Variants in CREB5 observed in about 807,000 individuals in gnomAD.
CREB5 encodes the protein cAMP responsive element binding protein 5, also known as cyclic AMP-responsive element-binding protein 5.
In CREB5, 19 loss-of-function variants were observed where a neutral mutation model predicts 57.1. That is an observed-to-expected ratio of 0.33 (90% CI 0.23 to 0.49). The LOEUF (loss-of-function observed/expected upper bound fraction) is 0.49. Ranked by LOEUF, CREB5 falls within the 20% of genes least tolerant of loss-of-function variation. CREB5 has a pLI of 0.99. For missense variants in CREB5, 579 were observed against 671.6 expected (o/e 0.86, Z 1.52); for synonymous variants, 238 against 238.3 (o/e 1.00, Z 0.01).
At chr7:28,629,475 T>C (rs1301680280) in intron 5 of CREB5, among the ~76,000 whole-genome samples, 1 of 152,212 alleles carries the variant, frequency 6.6e-6, no homozygotes, top group Non-Finnish European at 1.5e-5. Flanking sequence ...AACAGACAAC[T>C]CTGTATTCAC....
At chr7:28,670,979 A>C (rs6974893) in intron 5 of CREB5, among the ~76,000 whole-genome samples, 21,540 of 152,122 alleles carry the variant, frequency 0.14, 2,550 homozygotes, top group African/African-American at 0.33. Flanking sequence ...TGTTGCAGAA[A>C]ATATAACTGT....
At chr7:28,738,577 G>A (rs1239821945) in intron 7 of CREB5, among the ~76,000 whole-genome samples, 7 of 152,192 alleles carry the variant, frequency 4.6e-5, no homozygotes, top group Non-Finnish European at 7.3e-5. Flanking sequence ...ATCTCACTCC[G>A]TCATTGCAGT....
intron 4 of CREB5, among the ~76,000 whole-genome samples, chr7:28,545,955 T>G (rs1388363494): frequency 6.6e-6 from 1 of 152,260 alleles, no homozygotes; most frequent in Non-Finnish European, 1.5e-5. Context: ...GTCATCTGAA[T>G]GTACCCATTT....
chr7:28,608,881 T>C (rs1797280351), intron 5 of CREB5, among the ~76,000 whole-genome samples: 1 of 152,226 alleles, frequency 6.6e-6, no homozygotes, highest in Non-Finnish European at 1.5e-5. Flanking sequence ...TGACATTTCT[T>C]CTTAAATTAT....
chr7:28,491,189 A>C, intron 2 of CREB5: 1 of 985,276 alleles, frequency 1.0e-6, no homozygotes, highest in Non-Finnish European at 1.2e-6. Flanking sequence ...CCTGAGAAGG[A>C]AACAGTTTTT....
intron 5 of CREB5, among the ~76,000 whole-genome samples, chr7:28,658,572 C>T (rs1197046915): frequency 3.3e-5 from 5 of 152,166 alleles, no homozygotes; most frequent in South Asian, 2.1e-4. Context: ...GAACAAAGCA[C>T]GTCTGCACTC....
chr7:28,682,989 T>C (rs1303847315), intron 5 of CREB5, among the ~76,000 whole-genome samples: 1 of 152,170 alleles, frequency 6.6e-6, no homozygotes, highest in African/African-American at 2.4e-5. Flanking sequence ...AGCTGCGCGG[T>C]ACCCACCACC....
chr7:28,616,787 T>TA (rs1462162745), intron 5 of CREB5, among the ~76,000 whole-genome samples: 2 of 152,210 alleles, frequency 1.3e-5, no homozygotes, highest in Non-Finnish European at 2.9e-5. Flanking sequence ...ATTTATGATT[T>TA]AAAAAAACAA....
intron 1 of CREB5, among the ~76,000 whole-genome samples, chr7:28,455,114 C>T (rs1354251833): frequency 6.6e-6 from 1 of 152,212 alleles, no homozygotes; most frequent in East Asian, 1.9e-4. Flanking sequence ...GGCAAAGCCA[C>T]ATGTGAAACC....
chr7:28,811,770 G>T (rs1809134648), intron 9 of CREB5, among the ~76,000 whole-genome samples: 1 of 152,112 alleles, frequency 6.6e-6, no homozygotes, highest in African/African-American at 2.4e-5. Context: ...TAGTAAGAAG[G>T]CTAAATCATT....
intron 5 of CREB5, among the ~76,000 whole-genome samples, chr7:28,623,018 G>T (rs927943655): frequency 6.6e-6 from 1 of 152,090 alleles, no homozygotes; most frequent in Non-Finnish European, 1.5e-5. Flanking sequence ...GAGTAGCTGG[G>T]ATTACAGGCA....
intron 1 of CREB5, among the ~76,000 whole-genome samples, chr7:28,310,993 T>C (rs905269518): frequency 3.3e-5 from 5 of 152,034 alleles, no homozygotes; most frequent in African/African-American, 1.2e-4. Context: ...TTAATCTCTT[T>C]TAAAGAATAA....
chr7:28,800,977 A>G (rs1334506349), intron 7 of CREB5, among the ~76,000 whole-genome samples: 1 of 152,222 alleles, frequency 6.6e-6, no homozygotes, highest in Non-Finnish European at 1.5e-5. Context: ...CTTTAGCCTT[A>G]CACGGTTGTT....
chr7:28,530,934 G>A (rs1048204036), intron 4 of CREB5, among the ~76,000 whole-genome samples: 2 of 152,188 alleles, frequency 1.3e-5, no homozygotes, highest in African/African-American at 2.4e-5. Flanking sequence ...CCTTGTGGTC[G>A]TGGAATGTAA....
chr7:28,352,898 A>T (rs1480797967), intron 1 of CREB5, among the ~76,000 whole-genome samples: 1 of 152,236 alleles, frequency 6.6e-6, no homozygotes, highest in Non-Finnish European at 1.5e-5. Flanking sequence ...GGTTTGAACC[A>T]AGGCATTCAG....
Position 28,316,636 on chromosome 7 carries a change from A to G in CREB5, c.-25+17195A>G, listed in dbSNP as rs116281393. Among the ~76,000 whole-genome samples the G allele has an allele frequency of 5.9e-3, 891 of 152,178 alleles. 14 individuals are homozygous for G. The highest frequency in any genetic ancestry group is 0.021 in the African/African-American group (855 of 41,532). On this transcript the variant is annotated intron_variant, in intron 1 of 9. Coordinates refer to the CREB5 transcript ENST00000396299. ...GAGCAACAAGGCCCAGGAAGTCCCC[A>G]GTGTGTGGTTTCAGAGATTTACTCA...
intron 1 of CREB5, chr7:28,435,724 A>G: frequency 1.1e-6 from 1 of 930,684 alleles, no homozygotes; most frequent in South Asian, 5.0e-5. Context: ...CGTGTGACAG[A>G]TGAACCAAAC....
chr7:28,523,463 G>C (rs1442695933), intron 4 of CREB5, among the ~76,000 whole-genome samples: 1 of 152,194 alleles, frequency 6.6e-6, no homozygotes, highest in Non-Finnish European at 1.5e-5. Context: ...GGAACTGCTA[G>C]TGATATAAAG....
At chr7:28,521,360 T>C (rs930453998) in intron 4 of CREB5, among the ~76,000 whole-genome samples, 1 of 152,168 alleles carries the variant, frequency 6.6e-6, no homozygotes, top group Non-Finnish European at 1.5e-5. Flanking sequence ...GGGTGTGCAC[T>C]GACATTTTGG....
Sources: gnomAD v4.1 joint callset for allele counts (sites outside exome capture counted in the v4.1 genomes callset) on GRCh38, gnomAD v4.1.1 for gene constraint, MANE v1.5 for transcripts, NCBI Gene and HGNC (gene_info 2026-07-23, HGNC 2026-07-21) for gene names.